Variants in PRDX2 observed in about 807,000 individuals in gnomAD.
The protein encoded by PRDX2 is peroxiredoxin-2.
Under a neutral mutation model 19.8 loss-of-function variants are expected in PRDX2, and 10 were observed. That is an observed-to-expected ratio of 0.50 (90% CI 0.31 to 0.86). PRDX2 has a LOEUF of 0.86. PRDX2 is among the 40% of genes least tolerant of loss of function. The pLI is 0.04. For synonymous variants in PRDX2, 118 were observed against 108.2 expected (o/e 1.09, Z -0.56); for missense variants, 226 against 260.1 (o/e 0.87, Z 0.90).
Position 12,797,010 on chromosome 19 carries a change from G to C in PRDX2, c.*71C>G. On this transcript the variant is annotated 3_prime_UTR_variant, in exon 6 of 6. Transcript: ENST00000301522. ...TTCCTGGGTCAGCATAGGGCACCCA[G>C]GTGGGGGCACAGGTGGACACCCAGC... The C allele has an allele frequency of 6.6e-7, 1 of 1,517,162 alleles. No homozygotes were observed. The highest frequency in any genetic ancestry group is 9.1e-7 in the Non-Finnish European group (1 of 1,098,920). The allele number at this position is 1,517,162 out of a possible 1,614,324, so 94.0% of individuals were successfully genotyped here. A position where few individuals can be genotyped will look rare whatever the true frequency, so the allele number is the denominator to read the frequency against.
chr19:12,797,751 G>A lies in PRDX2; in HGVS notation c.512-585C>T, dbSNP rs576613922. Among the ~76,000 whole-genome samples the A allele has an allele frequency of 1.2e-3, 166 of 136,188 alleles. 2 individuals carry two copies. Among genetic ancestry groups the A allele is most frequent in the South Asian group, 9.8e-3 (39 of 3,990 alleles). 89.3% of individuals were successfully genotyped at this position (136,188 alleles called of 152,430 possible). A position where few individuals can be genotyped will look rare whatever the true frequency, so the allele number is the denominator to read the frequency against. On this transcript the variant is annotated intron_variant, in intron 5 of 5. Transcript: ENST00000301522. Reference sequence around the variant, plus strand: ...CGGCTCATTGCAACCTCTGCCTCCCGCGTTCAAGTGATTCTCCTGCCTTAG... The same window carrying A: ...CGGCTCATTGCAACCTCTGCCTCCCACGTTCAAGTGATTCTCCTGCCTTAG...
chr19:12,800,546 C>A (rs1329268132), intron 3 of PRDX2: 4 of 813,976 alleles, frequency 4.9e-6, no homozygotes, highest in Non-Finnish European at 7.4e-6. Flanking sequence ...TGCAGCATCA[C>A]CCAGCAGAGA....
chr19:12,798,635 G>A (rs1203567097), intron 5 of PRDX2, among the ~76,000 whole-genome samples: 1 of 142,730 alleles, frequency 7.0e-6, no homozygotes, highest in Non-Finnish European at 1.5e-5. Flanking sequence ...ACAGGTGTGA[G>A]CCACTGCATC....
intron 5 of PRDX2, among the ~76,000 whole-genome samples, chr19:12,799,363 ATTTTT>A (rs937934591): frequency 6.9e-6 from 1 of 144,004 alleles, no homozygotes; most frequent in Non-Finnish European, 1.5e-5. Flanking sequence ...AACCAAGCTA[ATTTTT>A]TTTTTTTTTG....
rs1968804109 is a variant in PRDX2 at position 12,797,154 on chromosome 19, C to T, written c.524G>A (p.Gly175Asp). Residue 175 changes from glycine to aspartate, a missense_variant, in exon 6 of 6, where the codon GGC (glycine) becomes GAC (aspartate). Physicochemically the swap from Gly to Asp is moderately conservative, Grantham distance 94. Coordinates refer to ENST00000301522, the MANE Select transcript of PRDX2 (RefSeq NM_005809.6). The stretch of plus-strand genomic sequence containing the variant: ...AATCGTGTCACTGCCAGGCTTCCAG[C>T]CAGCGGGACAAACTGTGGGAAGACA... ...TDEHGEVCPA[G>D]WKPGSDTIKP... 1.2e-6 allele frequency: 2 copies of T among 1,614,006 alleles called. No individual in the cohort carries two copies. The highest frequency in any genetic ancestry group is 1.3e-5 in the African/African-American group (1 of 75,040).
At chr19:12,799,716 C>A in intron 5 of PRDX2, 143 bp downstream of exon 5, 1 of 1,182,124 alleles carries the variant, frequency 8.5e-7, no homozygotes, top group Non-Finnish European at 1.2e-6. Context: ...ACATTAGAAA[C>A]ATCCTGCAGA....
rs113013553 is a variant in PRDX2 at position 12,801,739 on chromosome 19, C to A, written c.-10+1G>T. 1 of 311,008 alleles carries A rather than the reference C, an allele frequency of 3.2e-6. No individual in the cohort carries two copies. The highest frequency in any genetic ancestry group is 5.5e-5 in the East Asian group (1 of 18,024). 19.3% of individuals were successfully genotyped at this position (311,008 alleles called of 1,614,324 possible). On this transcript the variant is annotated splice_donor_variant, in intron 1 of 5. Transcript: ENST00000301522. LOFTEE classifies it low-confidence loss of function (5UTR_SPLICE). ...GCCAGGTGCACTCCGGGTGTTCATA[C>A]CTGCGTGGGCAAAGGCTAGACGCAC...
intron 4 of PRDX2, 44 bp from the exon 5 acceptor site, chr19:12,800,033 T>C: frequency 6.2e-7 from 1 of 1,608,322 alleles, no homozygotes; most frequent in Non-Finnish European, 8.5e-7. Context: ...TAGCTCCCAC[T>C]GCCAGAGACA....
Position 12,800,980 on chromosome 19 carries a change from A to G in PRDX2, c.193T>C (p.Phe65Leu). Residue 65 changes from phenylalanine (F) to leucine (L), a missense_variant, in exon 3 of 6, where the codon TTC becomes CTC. Transcript: ENST00000301522. ...IIAFSNRAED[F>L]RKLGCEVLGV... ...AGCACTTCACAGCCCAGCTTGCGGA[A>G]GTCCTCTGCACGGTTGCTGAACGCG... The G allele has an allele frequency of 6.2e-7, 1 of 1,612,220 alleles. No homozygotes were observed.
At position 12,801,142 on chromosome 19, in the gene PRDX2, C is replaced by T; in HGVS notation, c.103+17G>A. ...ACGGCCCCGCTTCTACCTGGGCCCCCTCCGGGCGGCGCTCACCTTTGTAGT... is the reference window on the plus strand; with the variant it reads ...ACGGCCCCGCTTCTACCTGGGCCCCTTCCGGGCGGCGCTCACCTTTGTAGT... On this transcript the variant is annotated intron_variant, in intron 2 of 5. Coordinates refer to ENST00000301522, the MANE Select transcript of PRDX2 (RefSeq NM_005809.6). The T allele has an allele frequency of 1.2e-6, 2 of 1,614,000 alleles. No homozygotes were observed. Among genetic ancestry groups the T allele is most frequent in the East Asian group, 4.5e-5 (2 of 44,884 alleles).
At position 12,801,289 on chromosome 19, in the gene PRDX2, C is replaced by A; in HGVS notation, c.-9-19G>T. 6.3e-7 allele frequency: 1 copy of A among 1,594,134 alleles called. No homozygotes were observed. Among genetic ancestry groups the A allele is most frequent in the Non-Finnish European group, 8.5e-7 (1 of 1,170,826 alleles). The stretch of plus-strand genomic sequence containing the variant: ...CTGAAAGCTGAGACCCCCGCCCGGT[C>A]AGTGCGCCCGGGAAGACACTTTGTC... On this transcript the variant is annotated intron_variant, in intron 1 of 5. Transcript: ENST00000301522.
At chr19:12,797,817 C>T (rs1380413769) in intron 5 of PRDX2, among the ~76,000 whole-genome samples, 1 of 151,332 alleles carries the variant, frequency 6.6e-6, no homozygotes, top group East Asian at 1.9e-4. Flanking sequence ...GCCACCACAC[C>T]CTGCTAATTT....
At chr19:12,799,326 T>C (rs1968848918) in intron 5 of PRDX2, among the ~76,000 whole-genome samples, 1 of 151,908 alleles carries the variant, frequency 6.6e-6, no homozygotes, top group Non-Finnish European at 1.5e-5. Flanking sequence ...GCCTCTTGAG[T>C]AGCTGGGACT....
Position 12,797,591 on chromosome 19 carries a change from G to A in PRDX2, c.512-425C>T, listed in dbSNP as rs1057287007. Among the ~76,000 whole-genome samples the A allele has an allele frequency of 2.0e-5, 3 of 151,166 alleles. No individual in the cohort carries two copies. The East Asian group carries it at 5.8e-4, about 29-fold the overall frequency. ...CTCCCAAAGTGCTGGGATTACAGGT[G>A]TGAGCCACCATGCCTAGCCAAGTTC... On this transcript the variant is annotated intron_variant, in intron 5 of 5. Coordinates refer to ENST00000301522, the MANE Select transcript of PRDX2 (RefSeq NM_005809.6).
intron 5 of PRDX2, among the ~76,000 whole-genome samples, chr19:12,797,545 A>G (rs111321163): frequency 0.052 from 7,816 of 151,746 alleles, 713 homozygotes; most frequent in African/African-American, 0.18. Flanking sequence ...TCCTGACCTC[A>G]AGTCATCTGC....
rs537621754 is a variant in PRDX2, at chr19:12,796,908, A to G, written c.*173T>C. 6 of 615,482 alleles carry G rather than the reference A, an allele frequency of 9.7e-6. No homozygotes were observed. Among genetic ancestry groups the G allele is most frequent in the African/African-American group, 1.8e-5 (1 of 54,182 alleles). 38.1% of individuals were successfully genotyped at this position (615,482 alleles called of 1,614,324 possible). ...GGGAGGGCGTCACTATTCAGCTTCT[A>G]GGTGGAGGCATGAGAAGGCCTTGGC... On this transcript the variant is annotated 3_prime_UTR_variant, in exon 6 of 6. Coordinates refer to ENST00000301522, the MANE Select transcript of PRDX2 (RefSeq NM_005809.6).
intron 5 of PRDX2, among the ~76,000 whole-genome samples, chr19:12,798,524 T>C (rs888255079): frequency 6.6e-6 from 1 of 151,916 alleles, no homozygotes; most frequent in Non-Finnish European, 1.5e-5. Flanking sequence ...GCTAATTTTG[T>C]ATTTTTAGTA....
chr19:12,799,571 G>A (rs1017029490), intron 5 of PRDX2: 1 of 265,880 alleles, frequency 3.8e-6, no homozygotes, highest in African/African-American at 2.2e-5. Flanking sequence ...TGTTGGTCAG[G>A]CTGGTCTCGA....
In PRDX2 at chr19:12,800,372, T is replaced by C. The variant is rs985293244; in HGVS notation, c.258-73A>G. ...CAGGGTCCTCACCCTGTGGGCCCAA[T>C]GTGATAAGCACTGGAGGCCGGAGAT... On this transcript the variant is annotated intron_variant, in intron 3 of 5. Coordinates refer to ENST00000301522, the MANE Select transcript of PRDX2 (RefSeq NM_005809.6). The C allele has an allele frequency of 3.3e-5, 51 of 1,550,352 alleles. No individual in the cohort carries two copies. In the Admixed American group the frequency reaches 8.1e-4, roughly 25 times the overall value.
Sources: allele counts gnomAD v4.1 joint callset (sites outside exome capture counted in the v4.1 genomes callset), GRCh38; gene constraint gnomAD v4.1.1; transcripts MANE v1.5; gene names NCBI Gene and HGNC (gene_info 2026-07-23, HGNC 2026-07-21).